The following MMAB variants were observed in gnomAD, a reference collection of about 807,000 sequenced individuals.
MMAB encodes the protein corrinoid adenosyltransferase MMAB.
A neutral mutation model predicts 30.6 loss-of-function variants in MMAB; 17 were observed. The observed-to-expected ratio is 0.56, with a 90% CI of 0.38 to 0.83. MMAB has a LOEUF of 0.83. MMAB is among the 40% of genes least tolerant of loss of function. MMAB has a pLI of 0.00. For missense variants in MMAB, 311 were observed against 331.6 expected (o/e 0.94, Z 0.48); for synonymous variants, 134 against 138.6 (o/e 0.97, Z 0.23).
Position 109,556,821 on chromosome 12 carries a change from GAAGCAGGGTCAGGGACA to G in MMAB, c.*190_*206del. ...CCTCCAAGACCCAGGAGAGCTTGGG[GAAGCAGGGTCAGGGACA>G]GAATCCCCAAAGGGTCACAGTCCCT... On this transcript the variant is annotated 3_prime_UTR_variant, in exon 9 of 9. Transcript: ENST00000545712. 3.0e-6 allele frequency: 2 copies of G among 671,522 alleles called. No individual in the cohort carries two copies. The highest frequency in any genetic ancestry group is 3.0e-5 in the South Asian group (2 of 66,396). 41.6% of individuals were successfully genotyped at this position (671,522 alleles called of 1,614,324 possible).
chr12:109,566,467 C>T (rs963980409), intron 3 of MMAB, among the ~76,000 whole-genome samples: 12 of 152,250 alleles, frequency 7.9e-5, no homozygotes, highest in Non-Finnish European at 7.3e-5. Context: ...GGCTGGGACA[C>T]AGTCTGTCTC....
intron 3 of MMAB, among the ~76,000 whole-genome samples, chr12:109,566,137 C>T (rs1184204869): frequency 6.6e-6 from 1 of 152,202 alleles, no homozygotes; most frequent in African/African-American, 2.4e-5. Flanking sequence ...CCAGCTGCCA[C>T]CAGAGCCATG....
In MMAB at chr12:109,554,163, A is replaced by G. The variant is rs1476208893; in HGVS notation, c.*2865T>C. ...GTCCGGGGCTCACATCTTGGCACTGACTCCCCAGGACAACTTGGTTCCCCA... is the reference window on the plus strand; with the variant it reads ...GTCCGGGGCTCACATCTTGGCACTGGCTCCCCAGGACAACTTGGTTCCCCA... On this transcript the variant is annotated 3_prime_UTR_variant, in exon 9 of 9. Transcript: ENST00000545712. The G allele has an allele frequency of 2.2e-6, 1 of 452,632 alleles. No homozygotes were observed. The highest frequency in any genetic ancestry group is 2.0e-5 in the African/African-American group (1 of 49,896). The allele number at this position is 452,632 out of a possible 1,614,324, so 28.0% of individuals were successfully genotyped here.
rs1023650515 is a variant in MMAB, at chr12:109,554,142, G to A, written c.*2886C>T. The A allele has an allele frequency of 3.3e-5, 15 of 453,702 alleles. No individual in the cohort carries two copies. Among genetic ancestry groups the A allele is most frequent in the African/African-American group, 2.6e-4 (13 of 49,984 alleles). The allele number at this position is 453,702 out of a possible 1,614,324, so 28.1% of individuals were successfully genotyped here. A position where few individuals can be genotyped will look rare whatever the true frequency, so the allele number is the denominator to read the frequency against. On this transcript the variant is annotated 3_prime_UTR_variant, in exon 9 of 9. Transcript: ENST00000545712. The stretch of plus-strand genomic sequence containing the variant: ...GGCTGTGAGTGACGAGGCCGCGTCC[G>A]GGGCTCACATCTTGGCACTGACTCC...
At chr12:109,564,708 T>C in intron 4 of MMAB, 1 of 308,226 alleles carries the variant, frequency 3.2e-6, no homozygotes, top group South Asian at 3.2e-5. Context: ...AGACAGGGTC[T>C]CAATCTCTTG....
chr12:109,570,976 A>T (rs1240650469), intron 2 of MMAB, among the ~76,000 whole-genome samples: 2 of 152,024 alleles, frequency 1.3e-5, no homozygotes, highest in African/African-American at 4.8e-5. Context: ...AGTAATATAT[A>T]CTCATTATAA....
rs781473185 is a variant in MMAB, at chr12:109,554,878, T to C, written c.*2150A>G. 31 of 453,934 alleles carry C rather than the reference T, an allele frequency of 6.8e-5. No homozygotes were observed. The highest frequency in any genetic ancestry group is 4.8e-4 in the South Asian group (31 of 64,474). The allele number at this position is 453,934 out of a possible 1,614,324, so 28.1% of individuals were successfully genotyped here. The stretch of plus-strand genomic sequence containing the variant: ...GTTGGTAGCACAGGAGAGAAACACC[T>C]GCTGAGTGGTGGCATCTGCCCTGCA... On this transcript the variant is annotated 3_prime_UTR_variant, in exon 9 of 9. Coordinates refer to ENST00000545712, the MANE Select transcript of MMAB (RefSeq NM_052845.4).
Position 109,565,205 on chromosome 12 carries a change from C to T in MMAB, c.291-29G>A, listed in dbSNP as rs750617581. The T allele has an allele frequency of 7.6e-6, 12 of 1,583,968 alleles. No individual in the cohort carries two copies. The South Asian group carries it at 1.1e-4, about 15-fold the overall frequency. ...TGAAGAAAAAGGAAAAAGAATTTGC[C>T]TGTAATGTAATGTCCCTAGGCCCTG... is the stretch of plus-strand genomic sequence containing the variant. On this transcript the variant is annotated intron_variant, in intron 3 of 8. Coordinates refer to ENST00000545712, the MANE Select transcript of MMAB (RefSeq NM_052845.4).
At chr12:109,557,175 G>A (rs201541990) in intron 8 of MMAB, 39 bp from the exon 9 acceptor site, 1 of 1,357,430 alleles carries the variant, frequency 7.4e-7, no homozygotes, top group Non-Finnish European at 1.1e-6. Flanking sequence ...AGAATGGTTT[G>A]AAATGAGAGA....
Position 109,554,992 on chromosome 12 carries a change from G to A in MMAB, c.*2036C>T. ...CTGAGAACGCGACTGTTAACATCCA[G>A]GCTGTGACACCCGGTCCTGGAAGGA... is the stretch of plus-strand genomic sequence containing the variant. On this transcript the variant is annotated 3_prime_UTR_variant, in exon 9 of 9. Transcript: ENST00000545712. 1 of 454,080 alleles carries A rather than the reference G, an allele frequency of 2.2e-6. No homozygotes were observed. The highest frequency in any genetic ancestry group is 4.4e-6 in the Non-Finnish European group (1 of 226,794). The allele number at this position is 454,080 out of a possible 1,614,324, so 28.1% of individuals were successfully genotyped here.
At position 109,561,883 on chromosome 12, in the gene MMAB, T is replaced by G. The variant is rs370955030; in HGVS notation, c.349-31A>C. ...GGGCGACAGAAAGTGACAGTCAAGA[T>G]CTATGTGAGATGGGCTGGACAGAGA... On this transcript the variant is annotated intron_variant, in intron 4 of 8. Coordinates refer to ENST00000545712, the MANE Select transcript of MMAB (RefSeq NM_052845.4). The surrounding 1 kb of genome is among the most constrained non-coding windows in gnomAD (Gnocchi z 5.3). The G allele has an allele frequency of 1.6e-5, 25 of 1,578,328 alleles. No individual in the cohort carries two copies. The highest frequency in any genetic ancestry group is 2.2e-5 in the Non-Finnish European group (25 of 1,158,666).
chr12:109,564,389 T>TG (rs1160035084), intron 4 of MMAB, among the ~76,000 whole-genome samples: 4 of 151,040 alleles, frequency 2.6e-5, no homozygotes, highest in Admixed American at 2.0e-4. Context: ...GTTTTTTTTT[T>TG]TTTTTTTTTT....
rs760340001 is a variant in MMAB, at chr12:109,555,305, C to T, written c.*1723G>A. ...TTTTTTTTTTTTTTTTTTTTTGTGA[C>T]GGAGTCTCACTCTATCAGCCAGGCT... On this transcript the variant is annotated 3_prime_UTR_variant, in exon 9 of 9. Coordinates refer to ENST00000545712, the MANE Select transcript of MMAB (RefSeq NM_052845.4). The T allele has an allele frequency of 1.7e-4, 40 of 238,500 alleles. No homozygotes were observed. Among genetic ancestry groups the T allele is most frequent in the Admixed American group, 1.6e-4 (3 of 19,220 alleles). The allele number at this position is 238,500 out of a possible 1,614,324, so 14.8% of individuals were successfully genotyped here. A position where few individuals can be genotyped will look rare whatever the true frequency, so the allele number is the denominator to read the frequency against.
In MMAB at chr12:109,561,617, A is replaced by G; in HGVS notation, c.422-100T>C. On this transcript the variant is annotated intron_variant, in intron 5 of 8. Coordinates refer to ENST00000545712, the MANE Select transcript of MMAB (RefSeq NM_052845.4). This position sits in a 1 kb window ranked among gnomAD's most constrained non-coding sequence, Gnocchi z 5.3. ...GCCCTTCCACCTGGGTGTCCCGCAG[A>G]CTGCTTCCACTGGCTCAGAAGGTAC... 2.4e-6 allele frequency: 3 copies of G among 1,233,552 alleles called. No individual in the cohort carries two copies. The South Asian group carries it at 3.9e-5, about 16-fold the overall frequency. 76.4% of individuals were successfully genotyped at this position (1,233,552 alleles called of 1,614,324 possible).
intron 3 of MMAB, chr12:109,567,095 G>A (rs1469870912): frequency 1.3e-5 from 6 of 450,706 alleles, no homozygotes; most frequent in South Asian, 3.1e-5. Context: ...GCTTGAACCC[G>A]GGAGGCAGAG....
At chr12:109,567,268 C>T (rs1884467475) in intron 3 of MMAB, 1 of 348,090 alleles carries the variant, frequency 2.9e-6, no homozygotes, top group South Asian at 2.3e-5. Context: ...CTCATTTAAG[C>T]CCCACAAGAA....
At chr12:109,559,332 C>T (rs528533981) in intron 7 of MMAB, among the ~76,000 whole-genome samples, 177 bp from the exon 8 acceptor site, 2 of 152,344 alleles carry the variant, frequency 1.3e-5, no homozygotes, top group South Asian at 4.1e-4. Context: ...AGGCCATCGG[C>T]CCCCTTTCCA....
At chr12:109,568,588 A>G (rs1884522289) in intron 3 of MMAB, 182 bp downstream of exon 3, 1 of 675,828 alleles carries the variant, frequency 1.5e-6, no homozygotes, top group African/African-American at 1.8e-5. Context: ...CCAGAAGGGA[A>G]AGGAGTCTGC....
At chr12:109,566,298 C>A (rs1272984092) in intron 3 of MMAB, among the ~76,000 whole-genome samples, 1 of 152,218 alleles carries the variant, frequency 6.6e-6, no homozygotes, top group Non-Finnish European at 1.5e-5. Context: ...AGGTCAGCCT[C>A]CCATGCATAA....
Sources: gnomAD v4.1 joint callset for allele counts (sites outside exome capture counted in the v4.1 genomes callset) on GRCh38, gnomAD v4.1.1 for gene constraint, Gnocchi (gnomAD v3.1) non-coding constraint, MANE v1.5 for transcripts, NCBI Gene and HGNC (gene_info 2026-07-23, HGNC 2026-07-21) for gene names.